TXNRD2: variants seen among roughly 807,000 people sequenced by gnomAD.
TXNRD2 encodes thioredoxin reductase 2, mitochondrial.
A neutral mutation model predicts 70.8 loss-of-function variants in TXNRD2; 67 were observed. The ratio of observed to expected loss-of-function variants is 0.95; its 90% CI spans 0.78 to 1.16. The LOEUF (loss-of-function observed/expected upper bound fraction) is 1.16. Ranked by LOEUF, TXNRD2 falls within the 50% of genes most tolerant of loss-of-function variation. The pLI is 0.00. For synonymous variants in TXNRD2, 301 were observed against 295.8 expected, an observed-to-expected ratio of 1.02 and a Z score of -0.18; for missense variants, 644 against 719.9, an observed-to-expected ratio of 0.89 and a Z score of 1.21.
At position 19,920,912 on chromosome 22, in the gene TXNRD2, C is replaced by T. The variant is rs140236457; in HGVS notation, c.173-1313G>A. 3.3e-5 allele frequency among the ~76,000 whole-genome samples: 5 copies of T among 152,206 alleles called. No homozygotes were observed. In the East Asian group the frequency reaches 9.7e-4, roughly 29 times the overall value. Reference sequence around the variant, plus strand: ...GGGCAGGAGATCGAGAACATCCTGGCTAACACGGTGAAACCCTGTCTCTAC... The same window carrying T: ...GGGCAGGAGATCGAGAACATCCTGGTTAACACGGTGAAACCCTGTCTCTAC... On this transcript the variant is annotated intron_variant, in intron 2 of 17. Coordinates refer to ENST00000400521, the MANE Select transcript of TXNRD2 (RefSeq NM_006440.5).
chr22:19,889,875 G>C (rs1354494578), intron 11 of TXNRD2, among the ~76,000 whole-genome samples: 2 of 151,868 alleles, frequency 1.3e-5, no homozygotes, highest in African/African-American at 4.8e-5. Flanking sequence ...AAATGGTGCT[G>C]ACCTATCTCT....
At chr22:19,919,026 T>A (rs1252351633) in intron 3 of TXNRD2, 22 bp from the exon 4 acceptor site, 1 of 1,603,446 alleles carries the variant, frequency 6.2e-7, no homozygotes, top group Non-Finnish European at 8.5e-7. Flanking sequence ...GAAGAGCACA[T>A]TTGAATTTAT....
At chr22:19,931,798 G>A (rs565970877) in intron 1 of TXNRD2, among the ~76,000 whole-genome samples, 3 of 152,160 alleles carry the variant, frequency 2.0e-5, no homozygotes, top group Non-Finnish European at 2.9e-5. Context: ...CCACCAAGGT[G>A]GACTAAAACA....
At chr22:19,925,793 T>C (rs996375572) in intron 2 of TXNRD2, among the ~76,000 whole-genome samples, 1 of 151,806 alleles carries the variant, frequency 6.6e-6, no homozygotes, top group African/African-American at 2.4e-5. Context: ...GATACCAAAA[T>C]CATAAGCAAC....
chr22:19,941,511 G>A (rs1302780507), intron 1 of TXNRD2, 190 bp downstream of exon 1: 16 of 1,034,132 alleles, frequency 1.5e-5, no homozygotes, highest in Non-Finnish European at 2.0e-5. Flanking sequence ...TTCCCCACCT[G>A]GGAAGGGGGC....
chr22:19,877,728 C>G (rs761631034), intron 16 of TXNRD2, among the ~76,000 whole-genome samples: 1 of 152,224 alleles, frequency 6.6e-6, no homozygotes, highest in Non-Finnish European at 1.5e-5. Flanking sequence ...GCCCAAGACC[C>G]AGGCAATGGC....
intron 5 of TXNRD2, among the ~76,000 whole-genome samples, chr22:19,917,880 C>T (rs1378228814): frequency 6.6e-6 from 1 of 152,216 alleles, no homozygotes; most frequent in Admixed American, 6.5e-5. Context: ...CCTGTGCAGC[C>T]CTGGGCTCTG....
intron 8 of TXNRD2, among the ~76,000 whole-genome samples, chr22:19,905,069 T>C (rs976099109): frequency 2.0e-5 from 3 of 152,154 alleles, no homozygotes; most frequent in African/African-American, 7.2e-5. Flanking sequence ...GGGCTTATTT[T>C]GACTGCAGCA....
rs1941457309 is a variant in TXNRD2 at position 19,934,050 on chromosome 22, A to G, written c.104-2952T>C. On this transcript the variant is annotated intron_variant, in intron 1 of 17. Transcript: ENST00000400521. ...CACTGCACCAGTGAGGGCAAGTGGA[A>G]GGGTCCCCCAAAATGTGCACCCACA... Among the ~76,000 whole-genome samples, 3 of 152,234 alleles carry G rather than the reference A, an allele frequency of 2.0e-5. No individual in the cohort carries two copies. The South Asian group carries it at 6.2e-4, about 31-fold the overall frequency.
intron 7 of TXNRD2, among the ~76,000 whole-genome samples, chr22:19,913,028 C>T (rs1370107232): frequency 6.6e-6 from 1 of 152,180 alleles, no homozygotes; most frequent in East Asian, 1.9e-4. Context: ...AGGCGGCACA[C>T]GGTTCCCTGG....
chr22:19,926,930 C>T lies in TXNRD2; in HGVS notation c.172+4100G>A, dbSNP rs184488119. 1.8e-4 allele frequency among the ~76,000 whole-genome samples: 28 copies of T among 152,286 alleles called. 1 individual carries two copies. In the Middle Eastern group the frequency reaches 0.017, roughly 92 times the overall value. Reference sequence around the variant, plus strand: ...GGGTACAGGGTATTTTGGGGAGAAACTAAAATGTTCTTGAATAACACAGGT... The same window carrying T: ...GGGTACAGGGTATTTTGGGGAGAAATTAAAATGTTCTTGAATAACACAGGT... On this transcript the variant is annotated intron_variant, in intron 2 of 17. Coordinates refer to ENST00000400521, the MANE Select transcript of TXNRD2 (RefSeq NM_006440.5).
chr22:19,927,858 C>T (rs1167717143), intron 2 of TXNRD2, among the ~76,000 whole-genome samples: 1 of 152,012 alleles, frequency 6.6e-6, no homozygotes, highest in Non-Finnish European at 1.5e-5. Flanking sequence ...CCCAGTCGTC[C>T]TCGGGTACCA....
chr22:19,886,270 C>T (rs868032960), intron 11 of TXNRD2, among the ~76,000 whole-genome samples: 11 of 152,368 alleles, frequency 7.2e-5, no homozygotes, highest in South Asian at 2.1e-4. Flanking sequence ...TTGGGTGGGG[C>T]CACGTCCCTA....
At chr22:19,933,530 A>C in intron 1 of TXNRD2, 1 of 1,288,128 alleles carries the variant, frequency 7.8e-7, no homozygotes, top group Non-Finnish European at 1.0e-6. Flanking sequence ...TCTGTCTGCT[A>C]TCAGGCAGGG....
Position 19,925,197 on chromosome 22 carries a change from T to C in TXNRD2, c.173-5598A>G, listed in dbSNP as rs1175293129. On this transcript the variant is annotated intron_variant, in intron 2 of 17. Transcript: ENST00000400521. ...TACTCAGGAGGCTGAGGCAGGAGAA[T>C]GGCGCAAACCCGGGAGGCAGAGCTT... Among the ~76,000 whole-genome samples the C allele has an allele frequency of 4.6e-5, 7 of 151,878 alleles. 1 individual carries two copies. Among genetic ancestry groups the C allele is most frequent in the Admixed American group, 2.0e-4 (3 of 15,224 alleles).
intron 2 of TXNRD2, among the ~76,000 whole-genome samples, chr22:19,924,604 T>C (rs188798189): frequency 6.6e-6 from 1 of 152,172 alleles, no homozygotes. Context: ...AGCTGGATTG[T>C]AGAGATGAAA....
intron 2 of TXNRD2, among the ~76,000 whole-genome samples, chr22:19,925,182 G>A (rs895564209): frequency 1.3e-5 from 2 of 151,868 alleles, no homozygotes; most frequent in Non-Finnish European, 2.9e-5. Flanking sequence ...TACTCAGGAG[G>A]CTGAGGCAGG....
chr22:19,889,564 C>T (rs1174323276), intron 11 of TXNRD2, among the ~76,000 whole-genome samples: 1 of 152,100 alleles, frequency 6.6e-6, no homozygotes, highest in Admixed American at 6.5e-5. Context: ...TGAGCCAGAT[C>T]GCGCTCCTGC....
chr22:19,880,823 T>G, intron 12 of TXNRD2, 106 bp from the exon 13 acceptor site: 1 of 747,626 alleles, frequency 1.3e-6, no homozygotes, highest in South Asian at 1.6e-5. Flanking sequence ...CTTTAGAAAA[T>G]CCCCAACACT....
Sources: allele counts gnomAD v4.1 joint callset (sites outside exome capture counted in the v4.1 genomes callset), GRCh38; gene constraint gnomAD v4.1.1; transcripts MANE v1.5; gene names NCBI Gene and HGNC (gene_info 2026-07-23, HGNC 2026-07-21).